The following PARD3 variants were observed in gnomAD, a reference collection of about 807,000 sequenced individuals.
The protein encoded by PARD3 is par-3 family cell polarity regulator.
A neutral mutation model predicts 155.4 loss-of-function variants in PARD3; 75 were observed. The ratio of observed to expected loss-of-function variants is 0.48; its 90% CI spans 0.40 to 0.58. The LOEUF (loss-of-function observed/expected upper bound fraction) is 0.58. Ranked by LOEUF, PARD3 falls within the 20% of genes least tolerant of loss-of-function variation. The pLI is 0.00. For missense variants in PARD3, 1,642 were observed against 1,721.7 expected, an observed-to-expected ratio of 0.95 and a Z score of 0.82; for synonymous variants, 576 against 610.5, an observed-to-expected ratio of 0.94 and a Z score of 0.83.
intron 22 of PARD3, among the ~76,000 whole-genome samples, chr10:34,201,117 C>T (rs933145556): frequency 1.3e-5 from 2 of 152,162 alleles, no homozygotes; most frequent in Non-Finnish European, 2.9e-5. Context: ...AACTGGGTTC[C>T]AATCCCATCT....
Position 34,470,250 on chromosome 10 carries a change from A to T in PARD3, c.417T>A (p.His139Gln). ...PSVLRANMPL[H>Q]VRRSSDPALI... Reference sequence around the variant, plus strand: ...GAGCTGGGTCACTACTGCGTCGAACATGAAGAGGCATATCTGTAAACACAA... The same window carrying T: ...GAGCTGGGTCACTACTGCGTCGAACTTGAAGAGGCATATCTGTAAACACAA... Residue 139 changes from histidine to glutamine, a missense_variant, in exon 4 of 25, where the codon CAT becomes CAA. Physicochemically the swap from His to Gln is conservative, Grantham distance 24 (BLOSUM62 0). Around this residue, in one of 3 missense-constraint regions of PARD3, gnomAD observed 1,529 missense variants for 1,587.3 expected, o/e 0.96. Coordinates refer to ENST00000374788, the MANE Select transcript of PARD3 (RefSeq NM_001184785.2). The T allele has an allele frequency of 6.2e-7, 1 of 1,600,754 alleles. No individual in the cohort carries two copies. Among genetic ancestry groups the T allele is most frequent in the South Asian group, 1.1e-5 (1 of 88,508 alleles).
chr10:34,369,028 C>T (rs1049202852), intron 12 of PARD3, among the ~76,000 whole-genome samples: 3 of 119,748 alleles, frequency 2.5e-5, no homozygotes, highest in Non-Finnish European at 3.2e-5. Context: ...TTTTTTTTTT[C>T]CCCCCTCAAC....
intron 24 of PARD3, 69 bp downstream of exon 24, chr10:34,119,544 G>A (rs1396733856): frequency 4.8e-6 from 7 of 1,459,060 alleles, no homozygotes; most frequent in South Asian, 2.7e-5. Flanking sequence ...GGGAAGGAGC[G>A]CGTTCCTAAA....
intron 1 of PARD3, among the ~76,000 whole-genome samples, chr10:34,720,094 A>C (rs2094579882): frequency 6.6e-6 from 1 of 152,242 alleles, no homozygotes; most frequent in Non-Finnish European, 1.5e-5. Context: ...CCCCTGAAGT[A>C]AATACTGAAA....
intron 1 of PARD3, among the ~76,000 whole-genome samples, chr10:34,770,598 G>A (rs972825270): frequency 4.6e-5 from 7 of 152,118 alleles, no homozygotes; most frequent in African/African-American, 1.2e-4. Context: ...AAGGTGTCCC[G>A]GCAGAGCAGA....
chr10:34,415,162 A>G (rs1845539729), intron 5 of PARD3, among the ~76,000 whole-genome samples: 1 of 152,118 alleles, frequency 6.6e-6, no homozygotes, highest in Admixed American at 6.6e-5. Context: ...AACATCTAAT[A>G]GAATCTCCAC....
chr10:34,654,601 G>A (rs2093113851), intron 2 of PARD3, among the ~76,000 whole-genome samples: 1 of 152,144 alleles, frequency 6.6e-6, no homozygotes, highest in Admixed American at 6.6e-5. Flanking sequence ...ATATCACATT[G>A]AACACAAAAA....
At chr10:34,244,855 G>C (rs1953841267) in intron 22 of PARD3, among the ~76,000 whole-genome samples, 1 of 152,108 alleles carries the variant, frequency 6.6e-6, no homozygotes. Flanking sequence ...GAGGGGATAA[G>C]GGTGAATTAA....
intron 22 of PARD3, among the ~76,000 whole-genome samples, chr10:34,267,397 T>C: frequency 6.6e-6 from 1 of 152,204 alleles, no homozygotes; most frequent in African/African-American, 2.4e-5. Flanking sequence ...CAAAGGGGTC[T>C]AAATAAACCA....
At chr10:34,452,761 T>C (rs1473575178) in intron 4 of PARD3, among the ~76,000 whole-genome samples, 1 of 152,190 alleles carries the variant, frequency 6.6e-6, no homozygotes, top group African/African-American at 2.4e-5. Context: ...GTTTCCTGAA[T>C]TCATGATCTC....
intron 2 of PARD3, among the ~76,000 whole-genome samples, chr10:34,629,499 G>A (rs2092154199): frequency 6.6e-6 from 1 of 152,166 alleles, no homozygotes; most frequent in Non-Finnish European, 1.5e-5. Flanking sequence ...ATCCAGATTT[G>A]GGAATAGGTT....
chr10:34,450,277 G>A (rs1326557774), intron 5 of PARD3, 40 bp downstream of exon 5: 3 of 1,589,374 alleles, frequency 1.9e-6, no homozygotes, highest in Non-Finnish European at 2.6e-6. Flanking sequence ...GGGACAGGAT[G>A]TTACAGCAAT....
intron 1 of PARD3, among the ~76,000 whole-genome samples, chr10:34,755,964 A>G (rs951267448): frequency 2.4e-4 from 36 of 152,158 alleles, no homozygotes; most frequent in Non-Finnish European, 1.2e-4. Flanking sequence ...CAGCTTCCCA[A>G]CAACCATGAA....
At chr10:34,776,833 T>TTTTTGG (rs1564608800) in intron 1 of PARD3, among the ~76,000 whole-genome samples, 5 of 9,916 alleles carry the variant, frequency 5.0e-4, no homozygotes, top group African/African-American at 1.4e-3. Flanking sequence ...CGTGTTTTTT[T>TTTTTGG]GTGGGGGGGG....
rs1037674854 is a variant in PARD3 at position 34,269,726 on chromosome 10, C to T, written c.3350G>A (p.Gly1117Glu). ...LNARPQSPRE[G>E]HMMDALYAQV... ...GGCATACAAAGCATCCATCATATGC[C>T]CTTCTCGTGGGCTCTGAGGTCTAGC... Residue 1117 changes from glycine to glutamate, a missense_variant, in exon 22 of 25, where the codon GGG becomes GAG. By Grantham distance (98) the Gly-to-Glu change is moderately conservative (BLOSUM62 -2). This residue lies in a region of PARD3 where 1,529 missense variants were observed against 1,587.3 expected (regional missense o/e 0.96). Transcript: ENST00000374788. The T allele has an allele frequency of 6.8e-6, 11 of 1,613,890 alleles. No individual in the cohort carries two copies. The highest frequency in any genetic ancestry group is 7.6e-6 in the Non-Finnish European group (9 of 1,179,968).
At chr10:34,717,617 C>T (rs1339190815) in intron 1 of PARD3, among the ~76,000 whole-genome samples, 2 of 152,098 alleles carry the variant, frequency 1.3e-5, no homozygotes, top group Non-Finnish European at 2.9e-5. Context: ...ACGCAGATTA[C>T]TGGAAAAGCC....
chr10:34,766,831 G>A (rs895463724), intron 1 of PARD3, among the ~76,000 whole-genome samples: 3 of 152,182 alleles, frequency 2.0e-5, no homozygotes, highest in African/African-American at 7.2e-5. Flanking sequence ...TAACCACAGT[G>A]ACTTTCGGAG....
intron 1 of PARD3, among the ~76,000 whole-genome samples, chr10:34,783,604 CAAAAAAAAAAAAAAAAAA>C (rs35411933): frequency 2.6e-5 from 2 of 76,248 alleles, no homozygotes; most frequent in Non-Finnish European, 4.7e-5. Flanking sequence ...ACTCCGTCTT[CAAAAAAAAAAAAAAAAAA>C]AAAAAAAGAA....
intron 22 of PARD3, among the ~76,000 whole-genome samples, chr10:34,238,686 T>C (rs1482774839): frequency 6.6e-6 from 1 of 152,150 alleles, no homozygotes; most frequent in East Asian, 1.9e-4. Context: ...AGAGAAACAG[T>C]GGTGACGGGA....
Sources: gnomAD v4.1 joint callset for allele counts (sites outside exome capture counted in the v4.1 genomes callset) on GRCh38, gnomAD v4.1.1 for gene constraint, gnomAD v4.1.1 regional missense constraint, MANE v1.5 for transcripts, NCBI Gene and HGNC (gene_info 2026-07-23, HGNC 2026-07-21) for gene names.